Variants in MCTP1 observed in about 807,000 individuals in gnomAD.
MCTP1 encodes multiple C2 and transmembrane domain-containing protein 1.
MCTP1 carries 69 observed loss-of-function variants against 120.6 expected under a neutral mutation model. That is an observed-to-expected ratio of 0.57 (90% confidence interval 0.47 to 0.70). MCTP1 has a LOEUF of 0.70. Among genes scored for constraint, MCTP1 ranks in the 30% least tolerant of loss-of-function variants. The pLI is 0.00. For missense variants in MCTP1, 1,203 were observed against 1,248.8 expected (o/e 0.96, Z 0.55); for synonymous variants, 529 against 493.1 (o/e 1.07, Z -0.96).
intron 2 of MCTP1, among the ~76,000 whole-genome samples, chr5:94,995,009 G>A (rs1832336751): frequency 6.6e-6 from 1 of 152,204 alleles, no homozygotes; most frequent in South Asian, 2.1e-4. Flanking sequence ...CTACTTTTGA[G>A]GTTTTGGGAC....
intron 1 of MCTP1, among the ~76,000 whole-genome samples, chr5:95,219,198 G>A (rs532753507): frequency 4.4e-4 from 67 of 151,974 alleles, no homozygotes; most frequent in African/African-American, 1.6e-3. Flanking sequence ...TGGCTAATAC[G>A]GTGAAACCCC....
chr5:94,790,516 G>T (rs946499066), intron 18 of MCTP1, among the ~76,000 whole-genome samples: 1 of 152,222 alleles, frequency 6.6e-6, no homozygotes, highest in East Asian at 1.9e-4. Context: ...TTAATAGGAT[G>T]AGAAGCAAGT....
At chr5:95,016,016 T>C (rs1305917149) in intron 2 of MCTP1, among the ~76,000 whole-genome samples, 1 of 152,134 alleles carries the variant, frequency 6.6e-6, no homozygotes, top group East Asian at 1.9e-4. Context: ...GTTATTTGCA[T>C]TATTTTCTTT....
intron 1 of MCTP1, among the ~76,000 whole-genome samples, chr5:95,240,450 C>T (rs1756037950): frequency 6.6e-6 from 1 of 152,174 alleles, no homozygotes; most frequent in Non-Finnish European, 1.5e-5. Context: ...CTTTCAAAGG[C>T]TGAGAACTTC....
At chr5:95,169,195 C>T (rs979085121) in intron 1 of MCTP1, among the ~76,000 whole-genome samples, 1 of 152,144 alleles carries the variant, frequency 6.6e-6, no homozygotes, top group African/African-American at 2.4e-5. Context: ...TGCTGGATTA[C>T]ATTTATTGAT....
intron 5 of MCTP1, among the ~76,000 whole-genome samples, chr5:94,935,229 G>T (rs1474900039): frequency 6.6e-6 from 1 of 151,904 alleles, no homozygotes; most frequent in Non-Finnish European, 1.5e-5. Context: ...AATACAAATT[G>T]CTGCAATTAG....
intron 19 of MCTP1, among the ~76,000 whole-genome samples, chr5:94,746,114 G>T (rs1766838018): frequency 1.3e-5 from 2 of 152,306 alleles, no homozygotes; most frequent in South Asian, 4.1e-4. Context: ...CTATATTAAA[G>T]AGTCATTCAT....
intron 1 of MCTP1, among the ~76,000 whole-genome samples, chr5:95,109,687 T>C (rs375338380): frequency 6.6e-6 from 1 of 152,170 alleles, no homozygotes; most frequent in Non-Finnish European, 1.5e-5. Flanking sequence ...CTATTGACTT[T>C]CATGAGGGAG....
chr5:94,978,247 T>G (rs756130895), intron 2 of MCTP1, among the ~76,000 whole-genome samples: 1 of 152,112 alleles, frequency 6.6e-6, no homozygotes, highest in Non-Finnish European at 1.5e-5. Flanking sequence ...TGTACACTGT[T>G]GGTGGGAATG....
intron 2 of MCTP1, chr5:94,979,414 G>A (rs1828903574): frequency 6.6e-6 from 1 of 152,098 alleles, no homozygotes; most frequent in African/African-American, 2.4e-5. Flanking sequence ...GATCAGATGG[G>A]ACTTTGACTG....
At chr5:95,279,091 C>T (rs1348271774) in intron 1 of MCTP1, among the ~76,000 whole-genome samples, 2 of 151,946 alleles carry the variant, frequency 1.3e-5, no homozygotes, top group African/African-American at 4.8e-5. Context: ...TTTGTCAATG[C>T]TTATAAAGTT....
chr5:95,223,709 T>A (rs1377683981), intron 1 of MCTP1, among the ~76,000 whole-genome samples: 2 of 152,016 alleles, frequency 1.3e-5, no homozygotes, highest in African/African-American at 4.8e-5. Context: ...TGGAAAAAAA[T>A]AACTAGCGGA....
At chr5:94,777,322 G>A (rs749909041) in intron 19 of MCTP1, among the ~76,000 whole-genome samples, 2 of 152,090 alleles carry the variant, frequency 1.3e-5, no homozygotes, top group Non-Finnish European at 2.9e-5. Flanking sequence ...TGTTTCCCCC[G>A]GGCATGTTCC....
At chr5:95,103,815 C>T (rs1266382652) in intron 1 of MCTP1, among the ~76,000 whole-genome samples, 1 of 152,094 alleles carries the variant, frequency 6.6e-6, no homozygotes, top group Non-Finnish European at 1.5e-5. Context: ...CAATATGGTA[C>T]ACTGTAACAG....
rs1754163842 is a variant in MCTP1 at position 94,704,832 on chromosome 5, A to C, written c.*2664T>G. 1 of 147,432 alleles carries C rather than the reference A, an allele frequency of 6.8e-6. No individual in the cohort carries two copies. Among genetic ancestry groups the C allele is most frequent in the Non-Finnish European group, 1.5e-5 (1 of 66,498 alleles). The allele number at this position is 147,432 out of a possible 1,614,324, so 9.1% of individuals were successfully genotyped here. ...TCTGTAGGAATTCCAGTTTTTGAAC[A>C]TTCTATATGCACTAGGATAATCTGA... is the stretch of plus-strand genomic sequence containing the variant. On this transcript the variant is annotated 3_prime_UTR_variant, in exon 23 of 23. Coordinates refer to ENST00000515393, the MANE Select transcript of MCTP1 (RefSeq NM_024717.7).
intron 1 of MCTP1, among the ~76,000 whole-genome samples, chr5:95,175,228 A>C (rs1283489004): frequency 6.6e-6 from 1 of 152,210 alleles, no homozygotes; most frequent in Non-Finnish European, 1.5e-5. Flanking sequence ...GCACTTGGCT[A>C]TGTCTCCAGC....
At chr5:94,861,725 C>T (rs1795825574) in intron 17 of MCTP1, among the ~76,000 whole-genome samples, 1 of 151,732 alleles carries the variant, frequency 6.6e-6, no homozygotes, top group African/African-American at 2.4e-5. Flanking sequence ...AAGACAAGAA[C>T]ATTGGTTTAG....
At chr5:95,075,582 GA>G (rs967087322) in intron 1 of MCTP1, among the ~76,000 whole-genome samples, 1 of 151,858 alleles carries the variant, frequency 6.6e-6, no homozygotes, top group African/African-American at 2.4e-5. Context: ...CTTAATTTCT[GA>G]AAAAAAATTA....
In MCTP1 at chr5:95,175,715, C is replaced by G. The variant is rs574702446; in HGVS notation, c.720+108141G>C. ...GGATTTTAAGTGTAAGGAGAAATGC[C>G]TTTCTGCAGTCCTGTTTCCTCTACG... On this transcript the variant is annotated intron_variant, in intron 1 of 22. Coordinates refer to ENST00000515393, the MANE Select transcript of MCTP1 (RefSeq NM_024717.7). 1.0e-3 allele frequency among the ~76,000 whole-genome samples: 154 copies of G among 152,254 alleles called. 2 individuals are homozygous for G. The highest frequency in any genetic ancestry group is 3.7e-3 in the African/African-American group (152 of 41,534).
Sources: allele counts gnomAD v4.1 joint callset (sites outside exome capture counted in the v4.1 genomes callset), GRCh38; gene constraint gnomAD v4.1.1; transcripts MANE v1.5; gene names NCBI Gene and HGNC (gene_info 2026-07-23, HGNC 2026-07-21).